The following WWOX variants were observed in gnomAD, a reference collection of about 807,000 sequenced individuals.
The protein encoded by WWOX is WW domain containing oxidoreductase, also known as WW domain-containing oxidoreductase.
WWOX carries 69 observed loss-of-function variants against 46.2 expected under a neutral mutation model. The ratio of observed to expected loss-of-function variants is 1.49; its 90% CI spans 1.23 to 1.82. WWOX has a LOEUF of 1.82. Among genes scored for constraint, WWOX ranks in the 40% most tolerant of loss-of-function variants. The pLI is 0.00. For missense variants in WWOX, 919 were observed against 542.6 expected, an observed-to-expected ratio of 1.69 and a Z score of -6.89; for synonymous variants, 359 against 202.6, an observed-to-expected ratio of 1.77 and a Z score of -6.56.
chr16:78,932,831 G>C (rs7195880), intron 8 of WWOX, among the ~76,000 whole-genome samples: 4,012 of 152,280 alleles, frequency 0.026, 166 homozygotes, highest in African/African-American at 0.091. Flanking sequence ...AAGGTGAGGA[G>C]CAAGGAGGCA....
intron 8 of WWOX, among the ~76,000 whole-genome samples, chr16:79,193,141 C>G (rs1350532326): frequency 2.6e-5 from 4 of 152,240 alleles, no homozygotes; most frequent in Non-Finnish European, 5.9e-5. Flanking sequence ...CTTGTGGGTG[C>G]TTTCTGCTGG....
intron 8 of WWOX, among the ~76,000 whole-genome samples, chr16:78,785,749 C>G (rs1229223965): frequency 6.6e-6 from 1 of 152,078 alleles, no homozygotes; most frequent in African/African-American, 2.4e-5. Context: ...AAGGCAAAAA[C>G]AAAATAAGAC....
At chr16:78,956,948 C>A (rs139427174) in intron 8 of WWOX, among the ~76,000 whole-genome samples, 1 of 152,230 alleles carries the variant, frequency 6.6e-6, no homozygotes, top group South Asian at 2.1e-4. Context: ...TGAGTAGTTG[C>A]AGTCCCTCCC....
chr16:78,578,204 C>T (rs189183300), intron 8 of WWOX, among the ~76,000 whole-genome samples: 4 of 129,662 alleles, frequency 3.1e-5, no homozygotes, highest in Admixed American at 1.7e-4. Flanking sequence ...GGATTAGTCT[C>T]TTGCCTTTCA....
At chr16:78,109,715 C>T in intron 2 of WWOX, 63 bp from the exon 3 acceptor site, 1 of 1,589,560 alleles carries the variant, frequency 6.3e-7, no homozygotes, top group Non-Finnish European at 8.6e-7. Flanking sequence ...CCTTCCCTTC[C>T]TGACCCAGGG....
chr16:79,085,393 C>T (rs1310345652), intron 8 of WWOX, among the ~76,000 whole-genome samples: 1 of 152,092 alleles, frequency 6.6e-6, no homozygotes, highest in Non-Finnish European at 1.5e-5. Context: ...CTGGGAGGTT[C>T]CCACTGGGTG....
intron 8 of WWOX, among the ~76,000 whole-genome samples, chr16:78,832,781 TA>T (rs2051867426): frequency 6.6e-6 from 1 of 152,166 alleles, no homozygotes; most frequent in Admixed American, 6.5e-5. Context: ...GAGGCGCCTT[TA>T]CAGAGGAAAC....
intron 8 of WWOX, among the ~76,000 whole-genome samples, chr16:78,936,730 G>A (rs1442185203): frequency 1.3e-5 from 2 of 151,968 alleles, no homozygotes; most frequent in African/African-American, 4.8e-5. Flanking sequence ...ACAGTTTCCA[G>A]AAAATGGCTC....
intron 8 of WWOX, among the ~76,000 whole-genome samples, chr16:78,537,777 G>A (rs1597231164): frequency 6.6e-6 from 1 of 152,190 alleles, no homozygotes; most frequent in African/African-American, 2.4e-5. Context: ...GGTTTTGTCT[G>A]GATTTGAAAG....
intron 8 of WWOX, chr16:78,780,345 C>G (rs1449784528): frequency 6.6e-6 from 1 of 152,084 alleles, no homozygotes; most frequent in Non-Finnish European, 1.5e-5. Flanking sequence ...TTTATTCATT[C>G]ACTGGTTGAT....
intron 5 of WWOX, among the ~76,000 whole-genome samples, chr16:78,335,432 C>T (rs1754424664): frequency 6.6e-6 from 1 of 152,182 alleles, no homozygotes; most frequent in African/African-American, 2.4e-5. Flanking sequence ...CCAGCTCCAT[C>T]CATGTCCCTG....
rs1370638460 is a variant in WWOX at position 78,415,728 on chromosome 16, G to T, written c.606-9142G>T. On this transcript the variant is annotated intron_variant, in intron 6 of 8. Coordinates refer to ENST00000566780, the MANE Select transcript of WWOX (RefSeq NM_016373.4). ...GGAAGGAGCTGGTCCCTTTGCAGTA[G>T]GAAGTGCCACCTCACTCCACTCTTG... 2.6e-5 allele frequency among the ~76,000 whole-genome samples: 4 copies of T among 152,280 alleles called. No homozygotes were observed. The East Asian group carries it at 7.7e-4, about 29-fold the overall frequency.
chr16:78,300,724 G>GT (rs1342008004), intron 5 of WWOX, among the ~76,000 whole-genome samples: 5 of 151,948 alleles, frequency 3.3e-5, no homozygotes, highest in Admixed American at 6.6e-5. Context: ...TCAAGATAAC[G>GT]TTTTTTTCTC....
chr16:78,235,188 G>A (rs1475617581), intron 5 of WWOX, among the ~76,000 whole-genome samples: 1 of 151,950 alleles, frequency 6.6e-6, no homozygotes, highest in Non-Finnish European at 1.5e-5. Context: ...AGTAGGAAGG[G>A]GCCTTGCCAT....
chr16:79,097,239 G>A (rs891054603), intron 8 of WWOX, among the ~76,000 whole-genome samples: 35 of 152,000 alleles, frequency 2.3e-4, no homozygotes, highest in Admixed American at 3.3e-4. Context: ...GCATAATGAC[G>A]TCTTTGATTC....
At chr16:78,152,841 G>A (rs1020926567) in intron 4 of WWOX, among the ~76,000 whole-genome samples, 1 of 152,138 alleles carries the variant, frequency 6.6e-6, no homozygotes, top group Non-Finnish European at 1.5e-5. Flanking sequence ...TGCAGATGCC[G>A]CCTGGTGTAT....
At chr16:78,475,558 A>T (rs1419427336) in intron 8 of WWOX, among the ~76,000 whole-genome samples, 1 of 152,142 alleles carries the variant, frequency 6.6e-6, no homozygotes, top group Non-Finnish European at 1.5e-5. Context: ...TTTCATCTTG[A>T]TGGACAATGA....
chr16:78,535,298 A>T (rs1270934812), intron 8 of WWOX: 1 of 152,214 alleles, frequency 6.6e-6, no homozygotes, highest in Admixed American at 6.5e-5. Context: ...AGGTCTCTGG[A>T]AACGCCCTCT....
rs1289470373 is a variant in WWOX at position 78,340,091 on chromosome 16, CTT to C, written c.517-46766_517-46765del. On this transcript the variant is annotated intron_variant, in intron 5 of 8. Coordinates refer to ENST00000566780, the MANE Select transcript of WWOX (RefSeq NM_016373.4). ...TTCTTGTTTCATGGATGATGTTACT[CTT>C]TTAACTCTCTGATGTTAATGATAAT... 2.1e-5 allele frequency among the ~76,000 whole-genome samples: 2 copies of C among 93,034 alleles called. 1 individual carries two copies. The highest frequency in any genetic ancestry group is 7.3e-5 in the African/African-American group (2 of 27,470). 61.0% of individuals were successfully genotyped at this position (93,034 alleles called of 152,430 possible). A position where few individuals can be genotyped will look rare whatever the true frequency, so the allele number is the denominator to read the frequency against.
Sources: allele counts gnomAD v4.1 joint callset (sites outside exome capture counted in the v4.1 genomes callset), GRCh38; gene constraint gnomAD v4.1.1; transcripts MANE v1.5; gene names NCBI Gene and HGNC (gene_info 2026-07-23, HGNC 2026-07-21).